SCD5: variants seen among roughly 807,000 people sequenced by gnomAD.
SCD5 encodes the protein stearoyl-CoA desaturase 5.
SCD5 carries 20 observed loss-of-function variants against 30.4 expected under a neutral mutation model. The ratio of observed to expected loss-of-function variants is 0.66; its 90% CI spans 0.46 to 0.96. The LOEUF is 0.96. SCD5 is among the 40% of genes least tolerant of loss of function. SCD5 has a pLI of 0.00. For missense variants in SCD5, 381 were observed against 443.3 expected (o/e 0.86, Z 1.26); for synonymous variants, 173 against 176.4 (o/e 0.98, Z 0.16).
chr4:82,798,080 T>TGGGGCGGGGGGGGGGGGGGGG (rs1436762424), intron 1 of SCD5, among the ~76,000 whole-genome samples: 1 of 25,814 alleles, frequency 3.9e-5, no homozygotes, highest in African/African-American at 1.0e-4. Context: ...CGCGGCGGGG[T>TGGGGCGGGGGGGGGGGGGGGG]GGGGGCGGGG....
chr4:82,741,286 C>A (rs930971849), intron 1 of SCD5, among the ~76,000 whole-genome samples: 1 of 152,060 alleles, frequency 6.6e-6, no homozygotes, highest in African/African-American at 2.4e-5. Context: ...TTTGTTTGGT[C>A]AATAGAATGT....
At chr4:82,673,394 A>G (rs936245749) in intron 3 of SCD5, among the ~76,000 whole-genome samples, 1 of 152,188 alleles carries the variant, frequency 6.6e-6, no homozygotes, top group Non-Finnish European at 1.5e-5. Flanking sequence ...TTGAAATTAA[A>G]AACACAATAC....
At chr4:82,710,073 C>T (rs189175751) in intron 1 of SCD5, among the ~76,000 whole-genome samples, 2 of 152,322 alleles carry the variant, frequency 1.3e-5, no homozygotes, top group Non-Finnish European at 1.5e-5. Context: ...CAAGCTCTTT[C>T]AGGCAAGTGC....
At chr4:82,791,986 G>A (rs778135485) in intron 1 of SCD5, among the ~76,000 whole-genome samples, 5 of 152,090 alleles carry the variant, frequency 3.3e-5, no homozygotes, top group South Asian at 2.1e-4. Flanking sequence ...GGCCGGGCAC[G>A]CTGGCTGACA....
intron 2 of SCD5, among the ~76,000 whole-genome samples, chr4:82,692,933 A>C (rs1876217): frequency 0.94 from 143,569 of 152,234 alleles, 67,810 homozygotes; most frequent in East Asian, 1. Flanking sequence ...AGGATCCACG[A>C]GCCAGGGGGA....
At chr4:82,694,292 GC>G (rs1292193769) in intron 2 of SCD5, among the ~76,000 whole-genome samples, 4 of 152,168 alleles carry the variant, frequency 2.6e-5, no homozygotes, top group Admixed American at 2.6e-4. Flanking sequence ...TCAGATGCTT[GC>G]CCACGGTTCC....
intron 1 of SCD5, among the ~76,000 whole-genome samples, chr4:82,753,089 C>T (rs1721140629): frequency 6.6e-6 from 1 of 152,090 alleles, no homozygotes; most frequent in African/African-American, 2.4e-5. Flanking sequence ...AGAAGAATCC[C>T]CAGCCCCACT....
At chr4:82,716,678 GT>G (rs139158803) in intron 1 of SCD5, among the ~76,000 whole-genome samples, 2,166 of 151,840 alleles carry the variant, frequency 0.014, 103 homozygotes, top group African/African-American at 0.05. Flanking sequence ...GCCAGGCATG[GT>G]GGCGTACGCC....
At chr4:82,773,444 C>T (rs374979171) in intron 1 of SCD5, among the ~76,000 whole-genome samples, 1 of 152,158 alleles carries the variant, frequency 6.6e-6, no homozygotes, top group African/African-American at 2.4e-5. Context: ...TCCAAATCAG[C>T]AGGGCCACCC....
intron 4 of SCD5, among the ~76,000 whole-genome samples, chr4:82,633,230 C>T (rs892514494): frequency 6.6e-6 from 1 of 152,172 alleles, no homozygotes; most frequent in African/African-American, 2.4e-5. Flanking sequence ...TGAGATCGTG[C>T]AGCGTTTGTC....
At chr4:82,704,848 G>A (rs923077747) in intron 2 of SCD5, among the ~76,000 whole-genome samples, 1 of 152,204 alleles carries the variant, frequency 6.6e-6, no homozygotes, top group African/African-American at 2.4e-5. Flanking sequence ...TATGATTTGG[G>A]CAGGTTCTTT....
chr4:82,689,481 TTATAATCCATGTA>T (rs1160687918), intron 2 of SCD5, among the ~76,000 whole-genome samples: 1 of 152,210 alleles, frequency 6.6e-6, no homozygotes, highest in Non-Finnish European at 1.5e-5. Context: ...CAGTAATGGA[TTATAATCCATGTA>T]ATCAAAAAAC....
chr4:82,742,970 T>C (rs1720908452), intron 1 of SCD5, among the ~76,000 whole-genome samples: 1 of 151,982 alleles, frequency 6.6e-6, no homozygotes, highest in Non-Finnish European at 1.5e-5. Flanking sequence ...AGAAACTAGC[T>C]AGCACACTGA....
chr4:82,776,416 TAAAAATA>T (rs950491763), intron 1 of SCD5, among the ~76,000 whole-genome samples: 6 of 152,318 alleles, frequency 3.9e-5, no homozygotes, highest in African/African-American at 9.6e-5. Flanking sequence ...GTTAGCATCC[TAAAAATA>T]GGTGAAGACT....
At chr4:82,730,666 T>A (rs374664328) in intron 1 of SCD5, among the ~76,000 whole-genome samples, 7,723 of 145,390 alleles carry the variant, frequency 0.053, 263 homozygotes, top group Non-Finnish European at 0.059. Context: ...GCTCACTGCA[T>A]GCTCTGCCTC....
At chr4:82,682,254 G>A (rs559773587) in intron 2 of SCD5, among the ~76,000 whole-genome samples, 110 of 152,266 alleles carry the variant, frequency 7.2e-4, no homozygotes, top group African/African-American at 2.6e-3. Flanking sequence ...ACACCCTATT[G>A]GACTTCTCAT....
At chr4:82,741,852 G>GT (rs1560549931) in intron 1 of SCD5, among the ~76,000 whole-genome samples, 11 of 144,314 alleles carry the variant, frequency 7.6e-5, no homozygotes, top group Non-Finnish European at 1.3e-4. Flanking sequence ...GTCAGAGTGG[G>GT]CGGGGGGGGG....
At chr4:82,706,430 T>C (rs4693491) in intron 1 of SCD5, among the ~76,000 whole-genome samples, 24,476 of 152,242 alleles carry the variant, frequency 0.16, 2,178 homozygotes, top group East Asian at 0.4. Context: ...TAGGGATCAC[T>C]TGCATGGTTG....
chr4:82,740,712 C>T (rs1039516492), intron 1 of SCD5, among the ~76,000 whole-genome samples: 1 of 152,210 alleles, frequency 6.6e-6, no homozygotes, highest in Non-Finnish European at 1.5e-5. Context: ...CTCCTCCCTC[C>T]TCTCAACTTC....
Sources: allele counts gnomAD v4.1 joint callset (sites outside exome capture counted in the v4.1 genomes callset), GRCh38; gene constraint gnomAD v4.1.1; transcripts MANE v1.5; gene names NCBI Gene and HGNC (gene_info 2026-07-23, HGNC 2026-07-21).